Variants in CPA6 observed in about 807,000 individuals in gnomAD.
CPA6 encodes carboxypeptidase B.
Under a neutral mutation model 63.3 loss-of-function variants are expected in CPA6, and 58 were observed. The observed-to-expected ratio is 0.92, with a 90% confidence interval of 0.74 to 1.14. The LOEUF (loss-of-function observed/expected upper bound fraction) is 1.14, where lower values mean the gene tolerates loss of function less well. Among genes scored for constraint, CPA6 ranks in the 50% most tolerant of loss-of-function variants. The pLI is 0.00. For missense variants in CPA6, 565 were observed against 526.6 expected, an observed-to-expected ratio of 1.07 and a Z score of -0.71; for synonymous variants, 185 against 179.0, an observed-to-expected ratio of 1.03 and a Z score of -0.27.
At chr8:67,668,342 A>G (rs1195779083) in intron 1 of CPA6, among the ~76,000 whole-genome samples, 2 of 152,344 alleles carry the variant, frequency 1.3e-5, no homozygotes, top group Middle Eastern at 3.4e-3. Flanking sequence ...CGCACTCAAT[A>G]AAAGCTTCTA....
intron 2 of CPA6, among the ~76,000 whole-genome samples, chr8:67,606,238 G>A (rs1814634799): frequency 6.6e-6 from 1 of 150,940 alleles, no homozygotes; most frequent in African/African-American, 2.4e-5. Flanking sequence ...GCTAAGTGAT[G>A]AGTTAATGGG....
rs182819997 is a variant in CPA6 at position 67,614,675 on chromosome 8, T to C, written c.192+9501A>G. On this transcript the variant is annotated intron_variant, in intron 2 of 10. Coordinates refer to ENST00000297770, the MANE Select transcript of CPA6 (RefSeq NM_020361.5). ...TCTACATGCAGTGTGTGTAGAAACA[T>C]GTTCATGTACTATGCCTGTGTTTGC... 1.6e-4 allele frequency among the ~76,000 whole-genome samples: 24 copies of C among 152,328 alleles called. No individual in the cohort carries two copies. The East Asian group carries it at 4.4e-3, about 28-fold the overall frequency.
chr8:67,434,137 T>C lies in CPA6; in HGVS notation c.942A>G (p.Arg314=). The C allele has an allele frequency of 6.2e-7, 1 of 1,614,118 alleles. No homozygotes were observed. Among genetic ancestry groups the C allele is most frequent in the Non-Finnish European group, 8.5e-7 (1 of 1,179,976 alleles). ...KAVANFLRKH[R]KHIRAYLSFH... is the part of the protein sequence containing the mutation. The stretch of plus-strand genomic sequence containing the variant: ...AGGAGAGATAAGCCCTAATGTGCTT[T>C]CTGTGTTTTCGAAGGAAGTTAGCTA... The change falls in exon 9 of 11, where the codon AGA becomes AGG. Residue 314 remains arginine (R), a synonymous_variant. Transcript: ENST00000297770.
intron 2 of CPA6, among the ~76,000 whole-genome samples, chr8:67,550,323 T>C (rs893100890): frequency 6.6e-6 from 1 of 152,214 alleles, no homozygotes; most frequent in Non-Finnish European, 1.5e-5. Context: ...GTTAGTTTGC[T>C]TAGGATAATG....
chr8:67,506,349 C>A (rs570343069), intron 6 of CPA6, among the ~76,000 whole-genome samples: 1 of 152,310 alleles, frequency 6.6e-6, no homozygotes, highest in South Asian at 2.1e-4. Flanking sequence ...AGGGCACAAG[C>A]AATCCCTTGT....
At chr8:67,595,656 C>T (rs979280299) in intron 2 of CPA6, among the ~76,000 whole-genome samples, 56 of 152,332 alleles carry the variant, frequency 3.7e-4, no homozygotes, top group Non-Finnish European at 6.2e-4. Context: ...TAGCAATCAG[C>T]GAGACTCCGT....
chr8:67,484,211 A>G (rs1019232527), intron 7 of CPA6, among the ~76,000 whole-genome samples: 2 of 152,150 alleles, frequency 1.3e-5, no homozygotes, highest in South Asian at 4.2e-4. Flanking sequence ...CTGGGACTAC[A>G]GGCGCCCGCC....
rs763682412 is a variant in CPA6 at position 67,422,546 on chromosome 8, A to G, written c.1272T>C (p.Ala424=). 28 of 1,614,030 alleles carry G rather than the reference A, an allele frequency of 1.7e-5. No individual in the cohort carries two copies. Among genetic ancestry groups the G allele is most frequent in the Non-Finnish European group, 2.4e-5 (28 of 1,180,010 alleles). The change falls in exon 11 of 11, where the codon GCT becomes GCC. Residue 424 remains alanine, a synonymous_variant. Coordinates refer to ENST00000297770, the MANE Select transcript of CPA6 (RefSeq NM_020361.5). ...GCAGGTGCATTGTGATATTTTTCAC[A>G]GCCAGCATAGTTTCTGTACAGGTGG... is the stretch of plus-strand genomic sequence containing the variant. ...IKPTCTETML[A]VKNITMHLLK... is the part of the protein sequence containing the mutation.
At chr8:67,585,704 T>C (rs16933415) in intron 2 of CPA6, among the ~76,000 whole-genome samples, 18,272 of 152,178 alleles carry the variant, frequency 0.12, 1,456 homozygotes, top group Admixed American at 0.26. Context: ...GTTTGATATG[T>C]TGATATGATA....
chr8:67,594,637 C>G lies in CPA6; in HGVS notation c.192+29539G>C, dbSNP rs1018157552. Among the ~76,000 whole-genome samples the G allele has an allele frequency of 6.6e-4, 100 of 152,218 alleles. 1 individual carries two copies. Among genetic ancestry groups the G allele is most frequent in the Admixed American group, 2.6e-3 (40 of 15,286 alleles). ...CTTCTTGCTTCATTTATTTCATCTT[C>G]CATCACTGATACCCTTTCTTCCAGT... On this transcript the variant is annotated intron_variant, in intron 2 of 10. Coordinates refer to ENST00000297770, the MANE Select transcript of CPA6 (RefSeq NM_020361.5).
At chr8:67,593,258 T>C (rs1222781091) in intron 2 of CPA6, among the ~76,000 whole-genome samples, 1 of 151,154 alleles carries the variant, frequency 6.6e-6, no homozygotes. Flanking sequence ...GACAGTTTGT[T>C]ATAATTTCTG....
chr8:67,701,099 G>A (rs1049691255), intron 1 of CPA6, among the ~76,000 whole-genome samples: 2 of 152,176 alleles, frequency 1.3e-5, no homozygotes, highest in African/African-American at 2.4e-5. Context: ...ACATGGTATA[G>A]TGGAAAGAGC....
At chr8:67,626,868 T>C (rs1687781395) in intron 1 of CPA6, among the ~76,000 whole-genome samples, 1 of 124,598 alleles carries the variant, frequency 8.0e-6, no homozygotes, top group Non-Finnish European at 1.6e-5. Context: ...TGAGAATAAC[T>C]TTTTTTTTTT....
chr8:67,698,307 A>G (rs570895207), intron 1 of CPA6, among the ~76,000 whole-genome samples: 1 of 152,300 alleles, frequency 6.6e-6, no homozygotes, highest in East Asian at 1.9e-4. Flanking sequence ...TTCATAGGGC[A>G]AGGGTAGGGC....
At chr8:67,596,531 C>CT (rs547099824) in intron 2 of CPA6, among the ~76,000 whole-genome samples, 2,347 of 141,996 alleles carry the variant, frequency 0.017, 53 homozygotes, top group African/African-American at 0.054. Flanking sequence ...GAATTTATTT[C>CT]TTTTTTTTTT....
intron 2 of CPA6, among the ~76,000 whole-genome samples, chr8:67,534,938 A>G (rs1177559080): frequency 6.6e-6 from 1 of 150,394 alleles, no homozygotes; most frequent in Non-Finnish European, 1.5e-5. Context: ...TCATTATTCA[A>G]CTCCCACTTA....
At chr8:67,654,476 G>A (rs913690206) in intron 1 of CPA6, among the ~76,000 whole-genome samples, 1 of 152,244 alleles carries the variant, frequency 6.6e-6, no homozygotes, top group Admixed American at 6.5e-5. Flanking sequence ...TCTTGGGAGG[G>A]TGTATGTGTT....
intron 1 of CPA6, among the ~76,000 whole-genome samples, chr8:67,719,407 T>C (rs1817448488): frequency 6.6e-6 from 1 of 151,908 alleles, no homozygotes; most frequent in South Asian, 2.1e-4. Context: ...GCAGGACCAC[T>C]CTGATCAGAA....
chr8:67,640,647 C>G (rs1337132086), intron 1 of CPA6, among the ~76,000 whole-genome samples: 1 of 151,334 alleles, frequency 6.6e-6, no homozygotes, highest in Non-Finnish European at 1.5e-5. Flanking sequence ...GTGCCTGGGT[C>G]TCAGCCTCAG....
Sources: gnomAD v4.1 joint callset for allele counts (sites outside exome capture counted in the v4.1 genomes callset) on GRCh38, gnomAD v4.1.1 for gene constraint, MANE v1.5 for transcripts, NCBI Gene and HGNC (gene_info 2026-07-23, HGNC 2026-07-21) for gene names.